RBFOX1: variants seen among roughly 807,000 people sequenced by gnomAD.
RBFOX1 encodes RNA binding fox-1 homolog 1.
In RBFOX1, 8 loss-of-function variants were observed where a neutral mutation model predicts 57.7. The ratio of observed to expected loss-of-function variants is 0.14; its 90% CI spans 0.08 to 0.25. The LOEUF is 0.25. Among genes scored for constraint, RBFOX1 ranks in the 10% least tolerant of loss-of-function variants. The pLI is 1.00. For synonymous variants in RBFOX1, 326 were observed against 222.4 expected, an observed-to-expected ratio of 1.47 and a Z score of -4.15; for missense variants, 611 against 548.5, an observed-to-expected ratio of 1.11 and a Z score of -1.14.
At chr16:7,036,099 A>G (rs1240814919) in intron 3 of RBFOX1, among the ~76,000 whole-genome samples, 1 of 152,214 alleles carries the variant, frequency 6.6e-6, no homozygotes, top group Admixed American at 6.5e-5. Flanking sequence ...TGCGAAAGTC[A>G]GAATAGCATG....
intron 1 of RBFOX1, among the ~76,000 whole-genome samples, chr16:5,393,798 C>G (rs2066476833): frequency 6.6e-6 from 1 of 152,176 alleles, no homozygotes; most frequent in Non-Finnish European, 1.5e-5. Context: ...TGCTGTCCAA[C>G]CATCACCACC....
chr16:7,087,066 G>A (rs2060105269), intron 4 of RBFOX1, among the ~76,000 whole-genome samples: 1 of 152,198 alleles, frequency 6.6e-6, no homozygotes, highest in African/African-American at 2.4e-5. Flanking sequence ...GTAGACAAGT[G>A]TGCTGAGCTG....
At chr16:6,364,254 C>G (rs759125939) in intron 2 of RBFOX1, among the ~76,000 whole-genome samples, 2 of 152,182 alleles carry the variant, frequency 1.3e-5, no homozygotes, top group Non-Finnish European at 2.9e-5. Context: ...GTATAAAGCC[C>G]TTTACCTGAT....
At chr16:6,361,225 A>G (rs2088442558) in intron 2 of RBFOX1, among the ~76,000 whole-genome samples, 1 of 152,174 alleles carries the variant, frequency 6.6e-6, no homozygotes, top group South Asian at 2.1e-4. Context: ...GAAGAAAGGC[A>G]CAGAGGAAAG....
chr16:5,417,896 C>T (rs1046241175), intron 1 of RBFOX1, among the ~76,000 whole-genome samples: 5 of 152,114 alleles, frequency 3.3e-5, no homozygotes, highest in African/African-American at 9.7e-5. Flanking sequence ...TCCTGGCGAA[C>T]ATAGTGGAAC....
chr16:6,988,113 A>ATAGGATC (rs139480726), intron 3 of RBFOX1, among the ~76,000 whole-genome samples: 9,999 of 152,280 alleles, frequency 0.066, 398 homozygotes, highest in South Asian at 0.17. Context: ...TCCAGAGAGC[A>ATAGGATC]CTGAGAACAT....
chr16:6,231,176 G>T (rs1333448714), intron 1 of RBFOX1, among the ~76,000 whole-genome samples: 1 of 151,736 alleles, frequency 6.6e-6, no homozygotes, highest in African/African-American at 2.4e-5. Flanking sequence ...AAGGAAGTCG[G>T]GGCTGTTTTA....
chr16:7,546,448 C>T (rs906968926), intron 5 of RBFOX1, among the ~76,000 whole-genome samples: 3 of 152,170 alleles, frequency 2.0e-5, no homozygotes, highest in African/African-American at 7.2e-5. Flanking sequence ...AACGCAATCC[C>T]TTATGGTGTG....
chr16:6,430,716 G>C (rs2094054852), intron 2 of RBFOX1, among the ~76,000 whole-genome samples: 1 of 152,124 alleles, frequency 6.6e-6, no homozygotes, highest in African/African-American at 2.4e-5. Context: ...TACCTGGCAA[G>C]AGGTAGACAA....
At chr16:6,129,182 C>G (rs1369737425) in intron 1 of RBFOX1, among the ~76,000 whole-genome samples, 1 of 151,896 alleles carries the variant, frequency 6.6e-6, no homozygotes, top group African/African-American at 2.4e-5. Flanking sequence ...ATAAAGCAAA[C>G]AGAAACAGAC....
intron 3 of RBFOX1, among the ~76,000 whole-genome samples, chr16:5,791,043 A>G (rs542389820): frequency 1.3e-5 from 2 of 151,768 alleles, no homozygotes; most frequent in South Asian, 4.2e-4. Flanking sequence ...AAATTTTTAT[A>G]TTTGTAGTAG....
At chr16:5,756,449 G>A (rs879922928) in intron 3 of RBFOX1, among the ~76,000 whole-genome samples, 5 of 152,022 alleles carry the variant, frequency 3.3e-5, no homozygotes, top group African/African-American at 4.8e-5. Flanking sequence ...TCACCTTTGC[G>A]GTGGAGTTTG....
intron 2 of RBFOX1, among the ~76,000 whole-genome samples, chr16:5,487,038 C>G (rs561626070): frequency 4.5e-4 from 69 of 152,278 alleles, no homozygotes; most frequent in African/African-American, 1.6e-3. Flanking sequence ...TAACTTCTCC[C>G]TGTTTCATCA....
chr16:7,669,963 T>C (rs1023107590), intron 13 of RBFOX1, among the ~76,000 whole-genome samples: 18 of 152,274 alleles, frequency 1.2e-4, no homozygotes, highest in Admixed American at 1.1e-3. Flanking sequence ...GTTTTACCTG[T>C]ATTACGTCAT....
chr16:6,835,987 C>T (rs1273435220), intron 3 of RBFOX1, among the ~76,000 whole-genome samples: 2 of 152,086 alleles, frequency 1.3e-5, no homozygotes, highest in Non-Finnish European at 2.9e-5. Context: ...CATCTGGTCA[C>T]ATCTAACTGC....
rs142032839 is a variant in RBFOX1, at chr16:6,136,747, A to C, written c.-127+116755A>C. Among the ~76,000 whole-genome samples, 3 of 152,322 alleles carry C rather than the reference A, an allele frequency of 2.0e-5. No homozygotes were observed. The East Asian group carries it at 5.8e-4, about 29-fold the overall frequency. On this transcript the variant is annotated intron_variant, in intron 1 of 15. Coordinates refer to ENST00000550418, the MANE Select transcript of RBFOX1 (RefSeq NM_018723.4). ...TACAGCCCCCCAAAATACCTAATGCATCACAAGCCGACATTTGTACTGCTG... is the reference window on the plus strand; with the variant it reads ...TACAGCCCCCCAAAATACCTAATGCCTCACAAGCCGACATTTGTACTGCTG...
rs572752707 is a variant in RBFOX1 at position 5,532,324 on chromosome 16, G to C, written c.258+65070G>C. ...GGGGAGCAACATCGCCATCACTTGA[G>C]AACCATTGTTCTAGATAATAAGCTC... On this transcript the variant is annotated intron_variant, in intron 2 of 2. Coordinates refer to the RBFOX1 transcript ENST00000585867. 1.3e-3 allele frequency among the ~76,000 whole-genome samples: 193 copies of C among 152,304 alleles called. 2 individuals carry two copies. Among genetic ancestry groups the C allele is most frequent in the African/African-American group, 4.6e-3 (190 of 41,576 alleles).
intron 4 of RBFOX1, among the ~76,000 whole-genome samples, chr16:7,346,657 G>A (rs1214783964): frequency 6.6e-6 from 1 of 151,926 alleles, no homozygotes; most frequent in East Asian, 2.0e-4. Context: ...TCAAGCCTTT[G>A]TGTTCAGATC....
intron 4 of RBFOX1, among the ~76,000 whole-genome samples, chr16:7,238,036 A>G (rs1603429540): frequency 6.6e-6 from 1 of 152,358 alleles, no homozygotes; most frequent in South Asian, 2.1e-4. Flanking sequence ...TACATGCTAC[A>G]ACATAGATGA....
Sources: gnomAD v4.1 joint callset for allele counts (sites outside exome capture counted in the v4.1 genomes callset) on GRCh38, gnomAD v4.1.1 for gene constraint, MANE v1.5 for transcripts, NCBI Gene and HGNC (gene_info 2026-07-23, HGNC 2026-07-21) for gene names.